STK10: variants seen among roughly 807,000 people sequenced by gnomAD.
STK10 encodes serine/threonine-protein kinase 10.
Under a neutral mutation model 113.8 loss-of-function variants are expected in STK10, and 78 were observed. That is an observed-to-expected ratio of 0.69 (90% CI 0.57 to 0.83). STK10 has a LOEUF of 0.83. Among genes scored for constraint, STK10 ranks in the 40% least tolerant of loss-of-function variants. STK10 has a pLI of 0.00. For missense variants in STK10, 1,109 were observed against 1,280.1 expected, an observed-to-expected ratio of 0.87 and a Z score of 2.04; for synonymous variants, 465 against 494.7, an observed-to-expected ratio of 0.94 and a Z score of 0.80.
chr5:172,116,225 CGTG>C (rs1554120141), intron 4 of STK10, among the ~76,000 whole-genome samples: 1 of 152,126 alleles, frequency 6.6e-6, no homozygotes, highest in Non-Finnish European at 1.5e-5. Flanking sequence ...GGAATACAGG[CGTG>C]TGCCACCACG....
intron 1 of STK10, among the ~76,000 whole-genome samples, chr5:172,184,849 T>G (rs1201566473): frequency 6.6e-6 from 1 of 151,824 alleles, no homozygotes; most frequent in East Asian, 1.9e-4. Flanking sequence ...TTAGTAGAGG[T>G]GGGGTTTCAC....
At chr5:172,159,331 G>C (rs1770417826) in intron 1 of STK10, among the ~76,000 whole-genome samples, 1 of 152,122 alleles carries the variant, frequency 6.6e-6, no homozygotes, top group Non-Finnish European at 1.5e-5. Flanking sequence ...TTGAGTCCAT[G>C]AGTTTAAGAA....
intron 1 of STK10, among the ~76,000 whole-genome samples, chr5:172,167,319 A>G (rs1224141206): frequency 6.6e-6 from 1 of 152,230 alleles, no homozygotes; most frequent in Non-Finnish European, 1.5e-5. Flanking sequence ...GATAAACAAG[A>G]AGATAATACA....
intron 15 of STK10, chr5:172,057,002 AAG>A (rs1554115572): frequency 0.087 from 7,071 of 81,620 alleles, 418 homozygotes; most frequent in Non-Finnish European, 0.1. Flanking sequence ...AAAGAGAAAG[AAG>A]GAAAGAAAGA....
intron 7 of STK10, among the ~76,000 whole-genome samples, chr5:172,099,083 T>C (rs1013858782): frequency 1.3e-5 from 2 of 150,576 alleles, no homozygotes; most frequent in East Asian, 3.9e-4. Context: ...ATCAACATCA[T>C]CATCACGACC....
In STK10 at chr5:172,133,713, C is replaced by T. The variant is rs539477870; in HGVS notation, c.322-6292G>A. Among the ~76,000 whole-genome samples, 12 of 152,330 alleles carry T rather than the reference C, an allele frequency of 7.9e-5. No individual in the cohort carries two copies. The South Asian group carries it at 1.0e-3, about 13-fold the overall frequency. On this transcript the variant is annotated intron_variant, in intron 2 of 18. Coordinates refer to ENST00000176763, the MANE Select transcript of STK10 (RefSeq NM_005990.4). This position sits in a 1 kb window ranked among gnomAD's most constrained non-coding sequence, Gnocchi z 4.9. ...GAAGACAGAGAGAATCACAGGAAAA[C>T]GGAGAACAAGCCTGCTCCCTACTGA...
chr5:172,153,737 C>G (rs1184704656), intron 2 of STK10, among the ~76,000 whole-genome samples: 1 of 152,248 alleles, frequency 6.6e-6, no homozygotes, highest in Non-Finnish European at 1.5e-5. Context: ...GCCTGAGAAC[C>G]ATCACACAGA....
At chr5:172,094,635 C>T (rs941062575) in intron 8 of STK10, among the ~76,000 whole-genome samples, 6 of 152,164 alleles carry the variant, frequency 3.9e-5, no homozygotes, top group Non-Finnish European at 8.8e-5. Flanking sequence ...CTGCCCGCCT[C>T]GGCCTCCCAA....
At chr5:172,139,759 A>G (rs539349676) in intron 2 of STK10, among the ~76,000 whole-genome samples, 7 of 152,216 alleles carry the variant, frequency 4.6e-5, no homozygotes, top group Non-Finnish European at 1.0e-4. Flanking sequence ...CTGTGCACTG[A>G]AAACTACAAA....
intron 12 of STK10, among the ~76,000 whole-genome samples, chr5:172,074,276 C>A (rs1215489310): frequency 6.6e-6 from 1 of 152,222 alleles, no homozygotes; most frequent in African/African-American, 2.4e-5. Flanking sequence ...AAGACTCACA[C>A]TACCTGATTT....
chr5:172,112,715 G>A (rs779062810), intron 4 of STK10, among the ~76,000 whole-genome samples: 16 of 151,394 alleles, frequency 1.1e-4, no homozygotes, highest in African/African-American at 2.9e-4. Flanking sequence ...CACTGCACCC[G>A]GCCAGGACCC....
chr5:172,129,762 A>G (rs1468893012), intron 2 of STK10, among the ~76,000 whole-genome samples: 2 of 152,234 alleles, frequency 1.3e-5, no homozygotes, highest in Admixed American at 6.5e-5. Context: ...AAAACAAGCC[A>G]CAAGAGGTGA....
rs575381311 is a variant in STK10 at position 172,127,570 on chromosome 5, C to T, written c.322-149G>A. ...CCTTCCTCCTCCTGCCTTGGGAGCC[C>T]GTCCCCCTCCCCCAGTGGGCCTCAA... On this transcript the variant is annotated intron_variant, in intron 2 of 18. Transcript: ENST00000176763. 5.7e-5 allele frequency: 42 copies of T among 732,786 alleles called. No homozygotes were observed. In the Admixed American group the frequency reaches 6.6e-4, roughly 12 times the overall value. The allele number at this position is 732,786 out of a possible 1,614,324, so 45.4% of individuals were successfully genotyped here. A position where few individuals can be genotyped will look rare whatever the true frequency, so the allele number is the denominator to read the frequency against.
In STK10 at chr5:172,082,879, A is replaced by C. The variant is rs1768465159; in HGVS notation, c.1809+82T>G. 1.3e-6 allele frequency: 2 copies of C among 1,568,558 alleles called. No homozygotes were observed. The highest frequency in any genetic ancestry group is 3.9e-5 in the Admixed American group (2 of 50,882). ...GTTGTGAATTACTCTCCACTACCCA[A>C]TCATTCCCACTATGTAGCTTCCACT... is the stretch of plus-strand genomic sequence containing the variant. On this transcript the variant is annotated intron_variant, in intron 11 of 18. Coordinates refer to ENST00000176763, the MANE Select transcript of STK10 (RefSeq NM_005990.4). The surrounding 1 kb of genome is among the most constrained non-coding windows in gnomAD (Gnocchi z 4.3).
In STK10 at chr5:172,188,215, C is replaced by T. The variant is rs1286644865; in HGVS notation, c.-173G>A. ...GTCAAGTGTGCCCTGGGCAGCGCCG[C>T]GCCGGGAGCACCCGGAACCGCGCAG... On this transcript the variant is annotated 5_prime_UTR_variant, in exon 1 of 19. Transcript: ENST00000176763. This position sits in a 1 kb window ranked among gnomAD's most constrained non-coding sequence, Gnocchi z 5.6. The T allele has an allele frequency of 4.3e-6, 5 of 1,159,380 alleles. No homozygotes were observed. The South Asian group carries it at 7.1e-5, about 17-fold the overall frequency. The allele number at this position is 1,159,380 out of a possible 1,614,324, so 71.8% of individuals were successfully genotyped here.
In STK10 at chr5:172,133,359, C is replaced by T. The variant is rs1288877461; in HGVS notation, c.322-5938G>A. On this transcript the variant is annotated intron_variant, in intron 2 of 18. Transcript: ENST00000176763. This position sits in a 1 kb window ranked among gnomAD's most constrained non-coding sequence, Gnocchi z 4.9. ...GAGGCCATTTCATGAGTCCTGATGT[C>T]CTGGGCACCATGGCTACCTCCCCCT... is the stretch of plus-strand genomic sequence containing the variant. Among the ~76,000 whole-genome samples the T allele has an allele frequency of 6.6e-6, 1 of 152,146 alleles. No individual in the cohort carries two copies. The highest frequency in any genetic ancestry group is 1.5e-5 in the Non-Finnish European group (1 of 68,026).
intron 12 of STK10, among the ~76,000 whole-genome samples, chr5:172,080,062 C>G (rs1396368692): frequency 6.6e-6 from 1 of 152,152 alleles, no homozygotes; most frequent in African/African-American, 2.4e-5. Context: ...CCTGTCTGTT[C>G]ACATTTTGGT....
In STK10 at chr5:172,121,927, G is replaced by A. The variant is rs184539182; in HGVS notation, c.371-4297C>T. On this transcript the variant is annotated intron_variant, in intron 3 of 18. Transcript: ENST00000176763. ...GTCACCCAGGCTGGAATGCAGTGGC[G>A]TGATCTTGGCTCACTGCAACCTCTG... Among the ~76,000 whole-genome samples, 19 of 150,284 alleles carry A rather than the reference G, an allele frequency of 1.3e-4. No homozygotes were observed. In the East Asian group the frequency reaches 1.4e-3, roughly 11 times the overall value.
chr5:172,042,257 G>C lies in STK10; in HGVS notation c.*2625C>G, dbSNP rs1767389651. ...AAACCAGACAGAGGAAAAAAACCCA[G>C]TTCTGTCTGTCCCTTATACAGAAAG... On this transcript the variant is annotated 3_prime_UTR_variant, in exon 19 of 19. Coordinates refer to ENST00000176763, the MANE Select transcript of STK10 (RefSeq NM_005990.4). The C allele has an allele frequency of 6.6e-6, 1 of 152,580 alleles. No homozygotes were observed. The highest frequency in any genetic ancestry group is 1.5e-5 in the Non-Finnish European group (1 of 68,030). 9.5% of individuals were successfully genotyped at this position (152,580 alleles called of 1,614,324 possible).
Sources: gnomAD v4.1 joint callset for allele counts (sites outside exome capture counted in the v4.1 genomes callset) on GRCh38, gnomAD v4.1.1 for gene constraint, Gnocchi (gnomAD v3.1) non-coding constraint, MANE v1.5 for transcripts, NCBI Gene and HGNC (gene_info 2026-07-23, HGNC 2026-07-21) for gene names.